The following CADM2 variants were observed in gnomAD, a reference collection of about 807,000 sequenced individuals.
CADM2 encodes the protein immunoglobulin superfamily member 4D.
In CADM2, 12 loss-of-function variants were observed where a neutral mutation model predicts 49.8. That is an observed-to-expected ratio of 0.24 (90% CI 0.15 to 0.39). The LOEUF (loss-of-function observed/expected upper bound fraction) is 0.39. Among genes scored for constraint, CADM2 ranks in the 10% least tolerant of loss-of-function variants. The pLI is 1.00. For missense variants in CADM2, 378 were observed against 492.3 expected (o/e 0.77, Z 2.20); for synonymous variants, 214 against 175.4 (o/e 1.22, Z -1.74).
chr3:85,333,724 C>T (rs1224421645), intron 1 of CADM2, among the ~76,000 whole-genome samples: 3 of 151,748 alleles, frequency 2.0e-5, no homozygotes, highest in African/African-American at 4.8e-5. Context: ...CAAATTCAAG[C>T]GGATGATTGG....
chr3:85,520,165 G>A (rs749106585), intron 1 of CADM2, among the ~76,000 whole-genome samples: 30 of 151,778 alleles, frequency 2.0e-4, no homozygotes, highest in African/African-American at 3.4e-4. Flanking sequence ...CAACTCTTTC[G>A]TTTAGAACTC....
chr3:85,574,437 C>A (rs2062572233), intron 1 of CADM2, among the ~76,000 whole-genome samples: 1 of 152,140 alleles, frequency 6.6e-6, no homozygotes, highest in South Asian at 2.1e-4. Flanking sequence ...ATTTTCGGTC[C>A]ACTTACTGTC....
intron 1 of CADM2, among the ~76,000 whole-genome samples, chr3:85,710,664 G>A (rs562572274): frequency 6.6e-6 from 1 of 152,216 alleles, no homozygotes; most frequent in Non-Finnish European, 1.5e-5. Context: ...CCTTCTATTG[G>A]CTTTCAGTTG....
At chr3:85,324,633 A>G (rs1358985207) in intron 1 of CADM2, among the ~76,000 whole-genome samples, 1 of 152,242 alleles carries the variant, frequency 6.6e-6, no homozygotes, top group Non-Finnish European at 1.5e-5. Flanking sequence ...AACTATAAAC[A>G]TAAAAATAGA....
At chr3:85,153,418 C>A (rs962975491) in intron 1 of CADM2, among the ~76,000 whole-genome samples, 2 of 152,226 alleles carry the variant, frequency 1.3e-5, no homozygotes, top group East Asian at 1.9e-4. Flanking sequence ...TATCCTGCAC[C>A]TGGCTCAGAG....
intron 3 of CADM2, among the ~76,000 whole-genome samples, chr3:85,840,680 G>A (rs1254139713): frequency 4.0e-5 from 6 of 151,742 alleles, no homozygotes; most frequent in Non-Finnish European, 5.9e-5. Context: ...ACTGTTACTT[G>A]CAGTATCCCT....
At chr3:85,984,763 C>T (rs918609635) in intron 8 of CADM2, among the ~76,000 whole-genome samples, 3 of 151,820 alleles carry the variant, frequency 2.0e-5, no homozygotes, top group Non-Finnish European at 4.4e-5. Context: ...TTTACACAAT[C>T]CATGTAAAAC....
intron 7 of CADM2, among the ~76,000 whole-genome samples, chr3:85,942,091 G>T (rs191914287): frequency 3.9e-5 from 6 of 152,122 alleles, no homozygotes; most frequent in Admixed American, 3.9e-4. Context: ...CAACAATGAT[G>T]ATTGTATTTT....
intron 2 of CADM2, among the ~76,000 whole-genome samples, chr3:85,779,840 T>C (rs1033392677): frequency 4.6e-5 from 7 of 152,186 alleles, no homozygotes; most frequent in African/African-American, 1.7e-4. Context: ...TGAGTTTTTA[T>C]TTGTTTATGT....
At chr3:86,037,161 T>C (rs1481176341) in intron 8 of CADM2, among the ~76,000 whole-genome samples, 1 of 152,224 alleles carries the variant, frequency 6.6e-6, no homozygotes, top group Non-Finnish European at 1.5e-5. Flanking sequence ...TTTTTTTGTA[T>C]AATTAAATAA....
chr3:85,851,444 C>T (rs957595089), intron 3 of CADM2, among the ~76,000 whole-genome samples: 6 of 151,808 alleles, frequency 4.0e-5, no homozygotes, highest in Non-Finnish European at 8.8e-5. Context: ...TAAAACAATT[C>T]AAATCTCCTC....
At chr3:85,558,158 C>A (rs2062008964) in intron 1 of CADM2, among the ~76,000 whole-genome samples, 1 of 151,786 alleles carries the variant, frequency 6.6e-6, no homozygotes, top group African/African-American at 2.4e-5. Flanking sequence ...CTCTTTGTTT[C>A]TCAATCCACA....
At chr3:85,377,551 T>C (rs992587829) in intron 1 of CADM2, among the ~76,000 whole-genome samples, 1 of 152,060 alleles carries the variant, frequency 6.6e-6, no homozygotes, top group South Asian at 2.1e-4. Context: ...GGAAAACCAT[T>C]AGTTTATCCA....
At chr3:86,009,112 A>AAT (rs200986285) in intron 8 of CADM2, among the ~76,000 whole-genome samples, 63 of 131,588 alleles carry the variant, frequency 4.8e-4, no homozygotes, top group Admixed American at 3.8e-3. Flanking sequence ...TGTGTGTATA[A>AAT]ATATATATAT....
At chr3:84,998,913 AC>A (rs1160691742) in intron 1 of CADM2, among the ~76,000 whole-genome samples, 1 of 152,132 alleles carries the variant, frequency 6.6e-6, no homozygotes, top group Admixed American at 6.6e-5. Flanking sequence ...ATACTCCCAT[AC>A]CTATTTGATC....
chr3:85,740,123 T>A (rs1000009314), intron 2 of CADM2, among the ~76,000 whole-genome samples: 5 of 152,234 alleles, frequency 3.3e-5, no homozygotes, highest in Non-Finnish European at 7.3e-5. Flanking sequence ...ATAGACATTC[T>A]AGTTGGAATC....
intron 1 of CADM2, among the ~76,000 whole-genome samples, chr3:85,448,163 C>T (rs2037559167): frequency 6.6e-6 from 1 of 151,298 alleles, no homozygotes; most frequent in Non-Finnish European, 1.5e-5. Context: ...AACCCCGTCT[C>T]TACTGAAAAT....
intron 1 of CADM2, among the ~76,000 whole-genome samples, chr3:85,616,274 C>T (rs890913353): frequency 4.6e-5 from 7 of 151,142 alleles, no homozygotes; most frequent in Admixed American, 2.0e-4. Context: ...TCTTAATATC[C>T]GAATTACCAA....
intron 1 of CADM2, among the ~76,000 whole-genome samples, chr3:85,229,445 C>T (rs1311876385): frequency 2.0e-5 from 3 of 152,168 alleles, no homozygotes; most frequent in Admixed American, 6.5e-5. Flanking sequence ...CTTCAACTCG[C>T]CCTCGGTGGG....
Sources: gnomAD v4.1 joint callset for allele counts (sites outside exome capture counted in the v4.1 genomes callset) on GRCh38, gnomAD v4.1.1 for gene constraint, MANE v1.5 for transcripts, NCBI Gene and HGNC (gene_info 2026-07-23, HGNC 2026-07-21) for gene names.